Variants in DNAAF9 observed in about 807,000 individuals in gnomAD.
DNAAF9 encodes shulin.
Under a neutral mutation model 167.0 loss-of-function variants are expected in DNAAF9, and 90 were observed. The observed-to-expected ratio is 0.54, with a 90% confidence interval of 0.45 to 0.64. DNAAF9 has a LOEUF of 0.64. Ranked by LOEUF, DNAAF9 falls within the 30% of genes least tolerant of loss-of-function variation. DNAAF9 has a pLI of 0.00. For missense variants in DNAAF9, 1,315 were observed against 1,442.2 expected (o/e 0.91, Z 1.43); for synonymous variants, 491 against 508.8 (o/e 0.96, Z 0.47).
chr20:3,405,302 A>G (rs2084040512), intron 1 of DNAAF9, among the ~76,000 whole-genome samples: 1 of 152,228 alleles, frequency 6.6e-6, no homozygotes, highest in African/African-American at 2.4e-5. Context: ...ATACACTTGC[A>G]GAGTACTATC....
chr20:3,299,980 G>T (rs933934738), intron 21 of DNAAF9, among the ~76,000 whole-genome samples: 1 of 152,114 alleles, frequency 6.6e-6, no homozygotes, highest in Non-Finnish European at 1.5e-5. Context: ...TCGGCTCACT[G>T]CAACCTCTGC....
Position 3,281,681 on chromosome 20 carries a change from T to C in DNAAF9, c.2572A>G (p.Thr858Ala). ...VKASFTIGAI[T>A]ACVEPMSCYM... ...CAGCTCATGGGCTCCACACATGCTG[T>C]GATGGCACCAATGGTGAAGGAGGCC... Residue 858 changes from threonine to alanine, a missense_variant, in exon 28 of 37, where the codon ACA becomes GCA. By Grantham distance (58) the Thr-to-Ala change is moderately conservative. This residue lies in a region of DNAAF9 where 334 missense variants were observed against 429.7 expected (regional missense o/e 0.78). Transcript: ENST00000252032. The C allele has an allele frequency of 6.2e-7, 1 of 1,613,136 alleles. No homozygotes were observed. Among genetic ancestry groups the C allele is most frequent in the Non-Finnish European group, 8.5e-7 (1 of 1,179,516 alleles).
chr20:3,255,173 G>A, intron 35 of DNAAF9, 46 bp downstream of exon 35: 7 of 1,233,316 alleles, frequency 5.7e-6, no homozygotes, highest in Non-Finnish European at 8.2e-6. Flanking sequence ...GCAAGCCGAG[G>A]ACAGCCCTGG....
chr20:3,333,222 G>A (rs984997755), intron 10 of DNAAF9, among the ~76,000 whole-genome samples: 2 of 152,008 alleles, frequency 1.3e-5, no homozygotes, highest in Non-Finnish European at 2.9e-5. Flanking sequence ...AGTTCCTCTA[G>A]GTTTTCAAAT....
chr20:3,276,554 G>A (rs1317194321), intron 29 of DNAAF9, among the ~76,000 whole-genome samples: 2 of 152,220 alleles, frequency 1.3e-5, no homozygotes, highest in African/African-American at 4.8e-5. Flanking sequence ...CAGACTAAAA[G>A]GGGCTTTTCT....
intron 7 of DNAAF9, among the ~76,000 whole-genome samples, chr20:3,358,836 T>A (rs780292504): frequency 3.7e-4 from 57 of 152,200 alleles, no homozygotes; most frequent in Non-Finnish European, 1.9e-4. Context: ...TGACCATGCA[T>A]ATCTATCTAT....
intron 23 of DNAAF9, chr20:3,295,794 T>TC (rs1853089679): frequency 2.4e-6 from 2 of 818,234 alleles, no homozygotes; most frequent in East Asian, 5.9e-5. Flanking sequence ...TTCTGCAGCT[T>TC]CAATATTCAG....
intron 26 of DNAAF9, 117 bp downstream of exon 26, chr20:3,290,012 G>A: frequency 1.4e-6 from 1 of 703,536 alleles, no homozygotes; most frequent in South Asian, 1.6e-5. Flanking sequence ...ATGAATGGCT[G>A]ACTACCATGC....
At chr20:3,317,310 G>A (rs574825192) in intron 17 of DNAAF9, among the ~76,000 whole-genome samples, 5 of 144,176 alleles carry the variant, frequency 3.5e-5, no homozygotes, top group Admixed American at 7.2e-5. Flanking sequence ...GCAGTGAACC[G>A]AGATTATGCC....
At chr20:3,300,984 C>T (rs1220095226) in intron 21 of DNAAF9, among the ~76,000 whole-genome samples, 1 of 151,026 alleles carries the variant, frequency 6.6e-6, no homozygotes, top group Non-Finnish European at 1.5e-5. Flanking sequence ...TCACCTAAAC[C>T]CAACTACAGC....
At chr20:3,338,887 C>G (rs2070022627) in intron 10 of DNAAF9, among the ~76,000 whole-genome samples, 1 of 152,056 alleles carries the variant, frequency 6.6e-6, no homozygotes, top group Non-Finnish European at 1.5e-5. Context: ...CTCCTGACCT[C>G]AGGCAATCCA....
At chr20:3,330,894 C>A (rs912620736) in intron 11 of DNAAF9, among the ~76,000 whole-genome samples, 1 of 150,474 alleles carries the variant, frequency 6.6e-6, no homozygotes, top group African/African-American at 2.5e-5. Flanking sequence ...CAGGTTCAGG[C>A]GATTCTCCTG....
intron 29 of DNAAF9, among the ~76,000 whole-genome samples, chr20:3,271,390 G>A (rs2068589588): frequency 6.6e-6 from 1 of 152,082 alleles, no homozygotes; most frequent in Non-Finnish European, 1.5e-5. Context: ...GCCCATGTAA[G>A]AAGAGGTTGC....
At chr20:3,292,239 AT>A (rs2068969630) in intron 25 of DNAAF9, among the ~76,000 whole-genome samples, 2 of 152,060 alleles carry the variant, frequency 1.3e-5, no homozygotes, top group South Asian at 4.2e-4. Flanking sequence ...ACCTCAGGTG[AT>A]CCACCTACCT....
intron 23 of DNAAF9, chr20:3,296,025 G>T: frequency 8.1e-7 from 1 of 1,229,234 alleles, no homozygotes; most frequent in Non-Finnish European, 1.2e-6. Flanking sequence ...TCGGTTTCAA[G>T]CTGAAATTTT....
chr20:3,262,273 G>A (rs1351717213), intron 31 of DNAAF9, among the ~76,000 whole-genome samples: 6 of 142,426 alleles, frequency 4.2e-5, no homozygotes, highest in Non-Finnish European at 9.1e-5. Flanking sequence ...TTTTTGACAC[G>A]GAGTTTTGCT....
chr20:3,339,208 C>T (rs537524374), intron 10 of DNAAF9, among the ~76,000 whole-genome samples: 2 of 152,262 alleles, frequency 1.3e-5, no homozygotes, highest in East Asian at 3.9e-4. Context: ...CCTATGTGTT[C>T]CATTAGAGCC....
Position 3,304,523 on chromosome 20 carries a change from T to C in DNAAF9, c.1699A>G (p.Ser567Gly). The C allele has an allele frequency of 1.3e-6, 2 of 1,495,764 alleles. No individual in the cohort carries two copies. Among genetic ancestry groups the C allele is most frequent in the Non-Finnish European group, 1.9e-6 (2 of 1,072,490 alleles). 92.7% of individuals were successfully genotyped at this position (1,495,764 alleles called of 1,614,324 possible). A position where few individuals can be genotyped will look rare whatever the true frequency, so the allele number is the denominator to read the frequency against. ...PEEGNVHFFS[S>G]GLLFSHCRHR... ...CGACAGTGAGAAAACAGAAGGCCAC[T>C]AGAGAAGAAATGAACATTCCCTGGA... The change falls in exon 21 of 37, where the codon AGT becomes GGT. Residue 567 changes from serine (S) to glycine (G), a missense_variant. Physicochemically the swap from Ser to Gly is moderately conservative, Grantham distance 56. Transcript: ENST00000252032.
At chr20:3,332,900 GGTGTGT>G (rs3082550) in intron 10 of DNAAF9, among the ~76,000 whole-genome samples, 3,074 of 146,912 alleles carry the variant, frequency 0.021, 33 homozygotes, top group Middle Eastern at 0.038. Flanking sequence ...GTGTGCGTGT[GGTGTGT>G]GTGTGTGTGT....
Sources: allele counts gnomAD v4.1 joint callset (sites outside exome capture counted in the v4.1 genomes callset), GRCh38; gene constraint gnomAD v4.1.1; regional missense constraint gnomAD v4.1.1; transcripts MANE v1.5; gene names NCBI Gene and HGNC (gene_info 2026-07-23, HGNC 2026-07-21).